The following PPARGC1A variants were observed in gnomAD, a reference collection of about 807,000 sequenced individuals.
The protein encoded by PPARGC1A is PPARG coactivator 1 alpha, also known as peroxisome proliferator-activated receptor gamma coactivator 1-alpha.
PPARGC1A carries 25 observed loss-of-function variants against 88.7 expected under a neutral mutation model. The observed-to-expected ratio is 0.28, with a 90% CI of 0.21 to 0.39. The LOEUF is 0.39. Ranked by LOEUF, PPARGC1A falls within the 10% of genes least tolerant of loss-of-function variation. The pLI, the probability that PPARGC1A is intolerant of heterozygous loss-of-function variation, is 1.00. For synonymous variants in PPARGC1A, 363 were observed against 355.6 expected (o/e 1.02, Z -0.24); for missense variants, 880 against 968.7 (o/e 0.91, Z 1.22).
chr4:23,984,020 T>C, the PPARGC1A span, among the ~76,000 whole-genome samples: 1 of 152,138 alleles, frequency 6.6e-6, no homozygotes, highest in African/African-American at 2.4e-5. Flanking sequence ...TATTTAGTCA[T>C]TTATAAATTA....
At chr4:24,173,780 T>C in the PPARGC1A span, among the ~76,000 whole-genome samples, 1 of 152,172 alleles carries the variant, frequency 6.6e-6, no homozygotes, top group Non-Finnish European at 1.5e-5. Context: ...ATCTGCAAAA[T>C]GGGAATAATA....
chr4:24,025,279 C>G, the PPARGC1A span, among the ~76,000 whole-genome samples: 1 of 152,178 alleles, frequency 6.6e-6, no homozygotes, highest in Non-Finnish European at 1.5e-5. Flanking sequence ...AGAGATGCCT[C>G]TGTGTACTTT....
chr4:24,446,859 A>G, the PPARGC1A span, among the ~76,000 whole-genome samples: 2 of 152,052 alleles, frequency 1.3e-5, no homozygotes, highest in Non-Finnish European at 2.9e-5. Flanking sequence ...CTCGGCCTCC[A>G]AAAGTGCTGA....
chr4:24,323,734 G>A, the PPARGC1A span, among the ~76,000 whole-genome samples: 1 of 152,110 alleles, frequency 6.6e-6, no homozygotes, highest in Non-Finnish European at 1.5e-5. Flanking sequence ...GTCGTGACTC[G>A]GATCGGGGGA....
chr4:24,029,597 T>A, the PPARGC1A span, among the ~76,000 whole-genome samples: 1 of 152,160 alleles, frequency 6.6e-6, no homozygotes, highest in Non-Finnish European at 1.5e-5. Context: ...AAGGGTTAAA[T>A]GGGATACCAT....
intron 10 of PPARGC1A, among the ~76,000 whole-genome samples, chr4:23,809,593 T>TA (rs1263563006): frequency 6.6e-6 from 1 of 152,176 alleles, no homozygotes; most frequent in Admixed American, 6.5e-5. Flanking sequence ...AGCCACATTT[T>TA]AAAAAGTAAA....
chr4:24,209,355 G>T, the PPARGC1A span, among the ~76,000 whole-genome samples: 51 of 152,170 alleles, frequency 3.4e-4, no homozygotes, highest in African/African-American at 1.2e-3. Flanking sequence ...TAAAGCAGTT[G>T]CTCCCAACAC....
At chr4:23,971,636 T>G in the PPARGC1A span, among the ~76,000 whole-genome samples, 3 of 152,352 alleles carry the variant, frequency 2.0e-5, no homozygotes, top group Non-Finnish European at 4.4e-5. Flanking sequence ...CACATTTTTC[T>G]GCCTGCTGTA....
At chr4:24,007,089 A>G in the PPARGC1A span, among the ~76,000 whole-genome samples, 158 of 152,278 alleles carry the variant, frequency 1.0e-3, no homozygotes, top group Non-Finnish European at 3.7e-4. Context: ...CCTTAGTGAT[A>G]TATAAAGTAA....
At chr4:24,173,065 T>C in the PPARGC1A span, among the ~76,000 whole-genome samples, 2 of 152,122 alleles carry the variant, frequency 1.3e-5, no homozygotes. Flanking sequence ...TGGAAGTAAA[T>C]GTGAACAGGT....
At chr4:23,985,617 TA>T in the PPARGC1A span, among the ~76,000 whole-genome samples, 1 of 4,632 alleles carries the variant, frequency 2.2e-4, no homozygotes, top group Non-Finnish European at 5.8e-4. Flanking sequence ...ACCAATTACT[TA>T]TCTAAACGGG....
chr4:23,888,993 G>A lies in PPARGC1A; in HGVS notation c.54+911C>T, dbSNP rs570727519. 33 of 985,336 alleles carry A rather than the reference G, an allele frequency of 3.3e-5. No homozygotes were observed. In the South Asian group the frequency reaches 1.2e-3, roughly 35 times the overall value. The allele number at this position is 985,336 out of a possible 1,614,324, so 61.0% of individuals were successfully genotyped here. A position where few individuals can be genotyped will look rare whatever the true frequency, so the allele number is the denominator to read the frequency against. ...CCCAAGTTGCCCAAACTTTCCTTCC[G>A]AGAGCATTCCATTGTGCTGAATGCA... On this transcript the variant is annotated intron_variant, in intron 1 of 12. Coordinates refer to ENST00000264867, the MANE Select transcript of PPARGC1A (RefSeq NM_013261.5).
chr4:24,266,025 C>T, the PPARGC1A span, among the ~76,000 whole-genome samples: 2 of 152,054 alleles, frequency 1.3e-5, no homozygotes, highest in Non-Finnish European at 2.9e-5. Context: ...AACCCAAGCC[C>T]GTAAAAAGGC....
intron 1 of PPARGC1A, among the ~76,000 whole-genome samples, chr4:23,898,145 A>G (rs1560534973): frequency 6.6e-6 from 1 of 152,210 alleles, no homozygotes; most frequent in Non-Finnish European, 1.5e-5. Flanking sequence ...ATATTTGGTA[A>G]AAGACTGTAC....
chr4:24,192,252 T>C, the PPARGC1A span, among the ~76,000 whole-genome samples: 1 of 152,316 alleles, frequency 6.6e-6, no homozygotes, highest in African/African-American at 2.4e-5. Flanking sequence ...TCTTTGGGCC[T>C]CCCTGAACGT....
chr4:24,396,983 C>A, the PPARGC1A span, among the ~76,000 whole-genome samples: 2 of 152,066 alleles, frequency 1.3e-5, no homozygotes, highest in African/African-American at 4.8e-5. Context: ...TTCTGCTTTA[C>A]AATTAACATG....
At chr4:24,144,051 CA>C in the PPARGC1A span, among the ~76,000 whole-genome samples, 2 of 152,216 alleles carry the variant, frequency 1.3e-5, no homozygotes, top group Admixed American at 1.3e-4. Flanking sequence ...TGCATTGCCA[CA>C]GTGCTAAGAG....
chr4:23,807,542 A>G (rs1375805062), intron 10 of PPARGC1A, among the ~76,000 whole-genome samples: 2 of 152,218 alleles, frequency 1.3e-5, no homozygotes, highest in Non-Finnish European at 2.9e-5. Context: ...AAATTATAGA[A>G]TAAGAGTATG....
chr4:23,975,133 T>G, the PPARGC1A span, among the ~76,000 whole-genome samples: 2 of 152,138 alleles, frequency 1.3e-5, no homozygotes, highest in Admixed American at 6.5e-5. Context: ...TTAAACTATT[T>G]TCTGCCCTTG....
Sources: gnomAD v4.1 joint callset for allele counts (sites outside exome capture counted in the v4.1 genomes callset) on GRCh38, gnomAD v4.1.1 for gene constraint, MANE v1.5 for transcripts, NCBI Gene and HGNC (gene_info 2026-07-23, HGNC 2026-07-21) for gene names.